SLC52A3: variants seen among roughly 807,000 people sequenced by gnomAD.
SLC52A3 encodes the protein solute carrier family 52 member 3.
A neutral mutation model predicts 29.5 loss-of-function variants in SLC52A3; 20 were observed. That is an observed-to-expected ratio of 0.68 (90% confidence interval 0.48 to 0.99). The LOEUF (loss-of-function observed/expected upper bound fraction) is 0.99, where lower values mean the gene tolerates loss of function less well. SLC52A3 is among the 50% of genes least tolerant of loss of function. The pLI, the probability that SLC52A3 is intolerant of heterozygous loss-of-function variation, is 0.00. For synonymous variants in SLC52A3, 301 were observed against 271.0 expected (o/e 1.11, Z -1.09); for missense variants, 548 against 612.9 (o/e 0.89, Z 1.12).
At position 765,229 on chromosome 20, in the gene SLC52A3, C is replaced by T. The variant is rs139965967; in HGVS notation, c.546G>A (p.Thr182=). ...GTACCTGTGCGATGTCAGTCTCCCT[C>T]GTGGGTACAGGGCTTGGTACGCTGT... The part of the protein sequence containing the change: ...ISDSVPSPVP[T]RETDIAQGVP... Residue 182 remains threonine, a synonymous_variant, in exon 2 of 5, where the codon ACG becomes ACA. Transcript: ENST00000645534. The surrounding 1 kb of genome is among the most constrained non-coding windows in gnomAD (Gnocchi z 6.6). 192 of 1,614,172 alleles carry T rather than the reference C, an allele frequency of 1.2e-4. No individual in the cohort carries two copies. In the African/African-American group the frequency reaches 2.0e-3, roughly 17 times the overall value.
At chr20:762,877 T>G (rs1986537231) in intron 3 of SLC52A3, among the ~76,000 whole-genome samples, 1 of 152,124 alleles carries the variant, frequency 6.6e-6, no homozygotes, top group African/African-American at 2.4e-5. Context: ...GATCCCAAGG[T>G]GGTAGTTCTC....
In SLC52A3 at chr20:765,967, C is replaced by G; in HGVS notation, c.-51-142G>C. On this transcript the variant is annotated intron_variant, in intron 1 of 4. Transcript: ENST00000645534. The surrounding 1 kb of genome is among the most constrained non-coding windows in gnomAD (Gnocchi z 6.6). Reference sequence around the variant, plus strand: ...TTTTTTTTCCTTTGAGACATAGTTTCACTCTTTTAGTCCAGGCTGGAGTGC... The same window carrying G: ...TTTTTTTTCCTTTGAGACATAGTTTGACTCTTTTAGTCCAGGCTGGAGTGC... 1.6e-6 allele frequency: 1 copy of G among 610,712 alleles called. No individual in the cohort carries two copies. Among genetic ancestry groups the G allele is most frequent in the South Asian group, 2.0e-5 (1 of 49,666 alleles). The allele number at this position is 610,712 out of a possible 1,614,324, so 37.8% of individuals were successfully genotyped here.
chr20:763,817 CG>C lies in SLC52A3; in HGVS notation c.753del (p.Val252TrpfsTer37), dbSNP rs1568721373. Reference protein sequence around the residue: ...LQRQPRCWEASVEDLLNDQVT... With the variant: ...LQRQPRCWEAXVEDLLNDQVT... ...ACCTGGTCATTGAGGAGGTCTTCCACGGAAGCCTCCCAGCACCTGGGTTGAC... is the reference window on the plus strand; with the variant it reads ...ACCTGGTCATTGAGGAGGTCTTCCACGAAGCCTCCCAGCACCTGGGTTGAC... On this transcript the variant is annotated frameshift_variant, in exon 3 of 5. Transcript: ENST00000645534. LOFTEE classifies it high-confidence loss of function. 1 of 1,614,094 alleles carries C rather than the reference CG, an allele frequency of 6.2e-7. No individual in the cohort carries two copies. The highest frequency in any genetic ancestry group is 8.5e-7 in the Non-Finnish European group (1 of 1,179,982).
upstream of SLC52A3, among the ~76,000 whole-genome samples, chr20:778,164 C>T (rs373892675): frequency 2.6e-5 from 4 of 152,164 alleles, no homozygotes; most frequent in South Asian, 2.1e-4. Flanking sequence ...TATAGGCGCA[C>T]GCCACCATGC....
upstream of SLC52A3, among the ~76,000 whole-genome samples, chr20:773,402 T>C (rs1986907687): frequency 6.6e-6 from 1 of 152,058 alleles, no homozygotes; most frequent in Non-Finnish European, 1.5e-5. Context: ...AAAAGGGAAA[T>C]AAATTTGCCT....
rs1986628997 is a variant in SLC52A3, at chr20:765,081, C to A, written c.567+127G>T. 4.7e-6 allele frequency: 5 copies of A among 1,054,860 alleles called. No individual in the cohort carries two copies. The Admixed American group carries it at 9.8e-5, about 21-fold the overall frequency. 65.3% of individuals were successfully genotyped at this position (1,054,860 alleles called of 1,614,324 possible). A position where few individuals can be genotyped will look rare whatever the true frequency, so the allele number is the denominator to read the frequency against. ...TTAAAATGAGTTTCCTGCTGTTGAT[C>A]TGCCTTATGTCAGTTTAACTCATAG... On this transcript the variant is annotated intron_variant, in intron 2 of 4. Transcript: ENST00000645534. This position sits in a 1 kb window ranked among gnomAD's most constrained non-coding sequence, Gnocchi z 6.6.
At chr20:768,011 G>A (rs1986740565) in intron 1 of SLC52A3, among the ~76,000 whole-genome samples, 1 of 152,148 alleles carries the variant, frequency 6.6e-6, no homozygotes, top group South Asian at 2.1e-4. Context: ...GGTGACCCTG[G>A]GCAAGTGGCT....
At chr20:774,846 C>A (rs1015491100) in intron 1 of SLC52A3, among the ~76,000 whole-genome samples, 1 of 152,214 alleles carries the variant, frequency 6.6e-6, no homozygotes, top group Non-Finnish European at 1.5e-5. Context: ...AACCCTGCCC[C>A]ACCCCTGATC....
chr20:763,393 G>A (rs1440991385), intron 3 of SLC52A3, 105 bp downstream of exon 3: 1 of 1,488,548 alleles, frequency 6.7e-7, no homozygotes, highest in African/African-American at 1.4e-5. Flanking sequence ...CCCCAAACAT[G>A]TTCTTAACCA....
upstream of SLC52A3, among the ~76,000 whole-genome samples, chr20:776,414 C>T (rs115856230): frequency 6.1e-3 from 929 of 152,350 alleles, 9 homozygotes; most frequent in African/African-American, 0.021. Flanking sequence ...ACTGAGCTGA[C>T]TCAGTGTCAG....
Position 765,801 on chromosome 20 carries a change from T to C in SLC52A3, c.-27A>G, listed in dbSNP as rs1332964692. The C allele has an allele frequency of 3.7e-6, 6 of 1,606,312 alleles. No individual in the cohort carries two copies. The highest frequency in any genetic ancestry group is 2.2e-5 in the East Asian group (1 of 44,666). On this transcript the variant is annotated 5_prime_UTR_variant, in exon 2 of 5. Transcript: ENST00000645534. The surrounding 1 kb of genome is among the most constrained non-coding windows in gnomAD (Gnocchi z 6.6). Reference sequence around the variant, plus strand: ...GCGGTATCTGCCCTGGGCCAGAGGCTTTCTCAGATCAGCCTGCAGCGGGGC... The same window carrying C: ...GCGGTATCTGCCCTGGGCCAGAGGCCTTCTCAGATCAGCCTGCAGCGGGGC...
At chr20:764,536 A>G (rs1986610897) in intron 2 of SLC52A3, among the ~76,000 whole-genome samples, 1 of 151,626 alleles carries the variant, frequency 6.6e-6, no homozygotes, top group Non-Finnish European at 1.5e-5. Context: ...GCCCCCACCT[A>G]AGGAAGAACA....
upstream of SLC52A3, among the ~76,000 whole-genome samples, chr20:768,977 G>A (rs546540004): frequency 9.8e-5 from 15 of 152,310 alleles, no homozygotes; most frequent in African/African-American, 3.4e-4. Context: ...CTTCTCAGGC[G>A]TCCTCACCAG....
At chr20:761,350 A>G (rs1986469241) in intron 4 of SLC52A3, 112 bp from the exon 5 acceptor site, 1 of 1,219,430 alleles carries the variant, frequency 8.2e-7, no homozygotes, top group Admixed American at 2.6e-5. Context: ...TCTAGGTGCG[A>G]GGAGCGCCTT....
At position 765,417 on chromosome 20, in the gene SLC52A3, A is replaced by C. The variant is rs755619131; in HGVS notation, c.358T>G (p.Cys120Gly). 2 of 1,613,930 alleles carry C rather than the reference A, an allele frequency of 1.2e-6. No homozygotes were observed. The highest frequency in any genetic ancestry group is 1.7e-6 in the Non-Finnish European group (2 of 1,179,908). The change falls in exon 2 of 5, where the codon TGC becomes GGC. Residue 120 changes from cysteine (C) to glycine (G), a missense_variant. By Grantham distance (159) the Cys-to-Gly change is radical. This residue lies in a region of SLC52A3 where 375 missense variants were observed against 471.1 expected (regional missense o/e 0.80). Transcript: ENST00000645534. The surrounding 1 kb of genome is among the most constrained non-coding windows in gnomAD (Gnocchi z 6.6). ...VLTFFLALVDCTSSVTFLPFM... is the reference protein window; with the variant it reads ...VLTFFLALVDGTSSVTFLPFM... ...GGCAGGAAGGTCACTGAAGAGGTGC[A>C]GTCCACCAGGGCCAGGAAGAAGGTG... is the stretch of plus-strand genomic sequence containing the variant.
chr20:761,846 G>A (rs779761362), intron 3 of SLC52A3, 22 bp from the exon 4 acceptor site: 1 of 1,614,064 alleles, frequency 6.2e-7, no homozygotes, highest in Non-Finnish European at 8.5e-7. Context: ...TAGGGGAGGT[G>A]AGTGGAGGTG....
rs751747223 is a variant in SLC52A3 at position 761,230 on chromosome 20, C to A, written c.1206G>T (p.Ser402=). Residue 402 remains serine (S), a synonymous_variant, in exon 5 of 5, where the codon TCG becomes TCT. Transcript: ENST00000645534. ...TGAGGCAGCCGCTGAAAAGCACCCA[C>A]GAGGCCACCTGCGGGGCCGGGAGGG... ...HWGGEVLIVA[S]WVLFSGCLSY... is the part of the protein sequence containing the mutation. 20 of 1,550,382 alleles carry A rather than the reference C, an allele frequency of 1.3e-5. No individual in the cohort carries two copies. The Admixed American group carries it at 2.5e-4, about 20-fold the overall frequency.
Position 761,774 on chromosome 20 carries a change from C to A in SLC52A3, c.1124G>T (p.Gly375Val). 1 of 1,614,152 alleles carries A rather than the reference C, an allele frequency of 6.2e-7. No homozygotes were observed. The highest frequency in any genetic ancestry group is 8.5e-7 in the Non-Finnish European group (1 of 1,179,992). The change falls in exon 4 of 5, where the codon GGC (glycine) becomes GTC (valine). Residue 375 changes from glycine to valine, a missense_variant. By Grantham distance (109) the Gly-to-Val change is moderately radical. This residue lies in a region of SLC52A3 where 173 missense variants were observed against 141.8 expected (regional missense o/e 1.22). Transcript: ENST00000645534. ...CATCACCGCCATGGCCATGTTGTAG[C>A]CCCCAAAGCAGGTCCCAAGCACGGA... ...VLSVLGTCFG[G>V]YNMAMAVMSP...
chr20:767,072 C>T (rs1023884518), intron 1 of SLC52A3, among the ~76,000 whole-genome samples: 1 of 151,962 alleles, frequency 6.6e-6, no homozygotes, highest in African/African-American at 2.4e-5. Flanking sequence ...TGGGTGGCTA[C>T]CAACAGAGAG....
Sources: allele counts gnomAD v4.1 joint callset (sites outside exome capture counted in the v4.1 genomes callset), GRCh38; gene constraint gnomAD v4.1.1; regional missense constraint gnomAD v4.1.1; non-coding constraint Gnocchi (gnomAD v3.1); transcripts MANE v1.5; gene names NCBI Gene and HGNC (gene_info 2026-07-23, HGNC 2026-07-21).